Variants in SPATA6 observed in about 807,000 individuals in gnomAD.
SPATA6 encodes spermatogenesis associated 6.
A neutral mutation model predicts 65.3 loss-of-function variants in SPATA6; 56 were observed. That is an observed-to-expected ratio of 0.86 (90% confidence interval 0.69 to 1.07). SPATA6 has a LOEUF of 1.07. SPATA6 is among the 50% of genes least tolerant of loss of function. The pLI, the probability that SPATA6 is intolerant of heterozygous loss-of-function variation, is 0.00. For missense variants in SPATA6, 590 were observed against 594.8 expected (o/e 0.99, Z 0.08); for synonymous variants, 199 against 213.2 (o/e 0.93, Z 0.58).
At chr1:48,278,151 G>A in the SPATA6 span, among the ~76,000 whole-genome samples, 1 of 152,158 alleles carries the variant, frequency 6.6e-6, no homozygotes, top group Non-Finnish European at 1.5e-5. Context: ...CTAACAAACA[G>A]AAAGGACATC....
chr1:48,385,423 C>T (rs879373210), intron 8 of SPATA6, 74 bp from the exon 9 acceptor site: 19 of 1,287,176 alleles, frequency 1.5e-5, no homozygotes, highest in Non-Finnish European at 1.9e-5. Context: ...ATCATTGTTT[C>T]TACAATTATA....
chr1:48,286,059 T>C, the SPATA6 span, among the ~76,000 whole-genome samples: 1 of 152,204 alleles, frequency 6.6e-6, no homozygotes, highest in Non-Finnish European at 1.5e-5. Flanking sequence ...GATTACACTG[T>C]TTTGTTTATT....
At chr1:48,436,250 A>C in intron 3 of SPATA6, 1 of 1,613,726 alleles carries the variant, frequency 6.2e-7, no homozygotes, top group Non-Finnish European at 8.5e-7. Flanking sequence ...AATCTGGAAA[A>C]CTGCAATGAA....
At chr1:48,425,039 GGGGTA>G (rs1653707993) in intron 3 of SPATA6, among the ~76,000 whole-genome samples, 1 of 152,118 alleles carries the variant, frequency 6.6e-6, no homozygotes, top group Non-Finnish European at 1.5e-5. Flanking sequence ...CTGTGCTTGA[GGGGTA>G]GTGCTCAAGA....
chr1:48,469,423 G>A (rs1239880449), intron 1 of SPATA6, among the ~76,000 whole-genome samples: 1 of 150,004 alleles, frequency 6.7e-6, no homozygotes, highest in Non-Finnish European at 1.5e-5. Flanking sequence ...GAAAAGCAAA[G>A]GTACAGAATA....
At chr1:48,391,284 G>A (rs976150849) in intron 8 of SPATA6, among the ~76,000 whole-genome samples, 5 of 151,850 alleles carry the variant, frequency 3.3e-5, no homozygotes, top group Admixed American at 2.6e-4. Context: ...AGCTGAGGTG[G>A]GAAGATCATT....
At chr1:48,310,161 A>G (rs768317451) in intron 11 of SPATA6, among the ~76,000 whole-genome samples, 2 of 152,186 alleles carry the variant, frequency 1.3e-5, no homozygotes, top group Non-Finnish European at 2.9e-5. Context: ...TCAGTTGGCA[A>G]TGAGGTTTAA....
chr1:48,277,473 C>A, the SPATA6 span, among the ~76,000 whole-genome samples: 2 of 151,758 alleles, frequency 1.3e-5, no homozygotes. Flanking sequence ...GTCACTCCCA[C>A]CCCAATACTG....
chr1:48,455,408 T>TCA (rs1260697439), intron 1 of SPATA6, among the ~76,000 whole-genome samples: 1 of 151,488 alleles, frequency 6.6e-6, no homozygotes, highest in Non-Finnish European at 1.5e-5. Flanking sequence ...AGACAGTGTC[T>TCA]CACTCTGTCT....
the SPATA6 span, among the ~76,000 whole-genome samples, chr1:48,278,995 C>T: frequency 1.3e-5 from 2 of 152,178 alleles, no homozygotes; most frequent in African/African-American, 2.4e-5. Flanking sequence ...GGCAGAAACT[C>T]TACAAGCCAG....
intron 9 of SPATA6, among the ~76,000 whole-genome samples, chr1:48,365,821 C>G (rs1364461398): frequency 2.0e-5 from 3 of 152,166 alleles, no homozygotes; most frequent in African/African-American, 7.2e-5. Flanking sequence ...CCAGAACTTC[C>G]AACACTATGT....
At chr1:48,418,435 T>C (rs1352808126) in intron 3 of SPATA6, among the ~76,000 whole-genome samples, 2 of 147,872 alleles carry the variant, frequency 1.4e-5, no homozygotes, top group Non-Finnish European at 1.5e-5. Context: ...TTTCTGGGCA[T>C]GGTAGCTCAC....
At chr1:48,342,156 C>T (rs966015851) in intron 11 of SPATA6, among the ~76,000 whole-genome samples, 4 of 152,132 alleles carry the variant, frequency 2.6e-5, no homozygotes, top group Admixed American at 2.0e-4. Flanking sequence ...TGTCACAATT[C>T]TCACCTCTGC....
intron 3 of SPATA6, among the ~76,000 whole-genome samples, chr1:48,446,337 T>C (rs1425417092): frequency 6.6e-6 from 1 of 152,138 alleles, no homozygotes; most frequent in Non-Finnish European, 1.5e-5. Context: ...AGGGAGGCTA[T>C]TTACGGGGAG....
At chr1:48,326,816 C>T (rs574273049) in intron 11 of SPATA6, among the ~76,000 whole-genome samples, 54 of 151,976 alleles carry the variant, frequency 3.6e-4, no homozygotes, top group Admixed American at 3.9e-4. Context: ...AAATTAAACT[C>T]GGACCCTTAT....
rs1291239584 is a variant in SPATA6, at chr1:48,355,765, G to T, written c.1099C>A (p.His367Asn). 6.2e-7 allele frequency: 1 copy of T among 1,609,428 alleles called. No homozygotes were observed. The highest frequency in any genetic ancestry group is 1.1e-5 in the South Asian group (1 of 90,150). Reference protein sequence around the residue: ...LNRASLRERFHSDWCSPSNCD... With the variant: ...LNRASLRERFNSDWCSPSNCD... ...TTTGAAGGTGAACACCAATCAGAATGAAATCTGTAGGCAAAAAATAAGTTT... is the reference window on the plus strand; with the variant it reads ...TTTGAAGGTGAACACCAATCAGAATTAAATCTGTAGGCAAAAAATAAGTTT... The change falls in exon 11 of 13, where the codon CAT becomes AAT. Residue 367 changes from histidine to asparagine, a missense_variant. His to Asn is a moderately conservative substitution (Grantham distance 68, BLOSUM62 1). Transcript: ENST00000371847.
At chr1:48,401,335 T>C (rs1651141852) in intron 6 of SPATA6, among the ~76,000 whole-genome samples, 1 of 152,122 alleles carries the variant, frequency 6.6e-6, no homozygotes, top group African/African-American at 2.4e-5. Flanking sequence ...TCATCTTTAT[T>C]AAAGCTTTTA....
chr1:48,277,420 C>A, the SPATA6 span, among the ~76,000 whole-genome samples: 11 of 152,316 alleles, frequency 7.2e-5, no homozygotes, highest in South Asian at 2.3e-3. Flanking sequence ...AGTTCCCTTT[C>A]CTAGTCAAAG....
At chr1:48,276,886 G>C in the SPATA6 span, among the ~76,000 whole-genome samples, 1 of 152,066 alleles carries the variant, frequency 6.6e-6, no homozygotes. Context: ...GAATATCTTT[G>C]TTAGCTTTGT....
Sources: allele counts gnomAD v4.1 joint callset (sites outside exome capture counted in the v4.1 genomes callset), GRCh38; gene constraint gnomAD v4.1.1; transcripts MANE v1.5; gene names NCBI Gene and HGNC (gene_info 2026-07-23, HGNC 2026-07-21).